Variants in R3HCC1L observed in about 807,000 individuals in gnomAD.
R3HCC1L encodes the protein coiled-coil domain-containing protein R3HCC1L.
A neutral mutation model predicts 59.9 loss-of-function variants in R3HCC1L; 51 were observed. That is an observed-to-expected ratio of 0.85 (90% CI 0.68 to 1.07). The LOEUF (loss-of-function observed/expected upper bound fraction) is 1.07, where lower values mean the gene tolerates loss of function less well. R3HCC1L is among the 50% of genes least tolerant of loss of function. The pLI is 0.00. For missense variants in R3HCC1L, 965 were observed against 933.0 expected, an observed-to-expected ratio of 1.03 and a Z score of -0.45; for synonymous variants, 322 against 315.2, an observed-to-expected ratio of 1.02 and a Z score of -0.23.
intron 5 of R3HCC1L, among the ~76,000 whole-genome samples, chr10:98,222,915 A>G (rs1855207126): frequency 6.6e-6 from 1 of 152,258 alleles, no homozygotes; most frequent in Non-Finnish European, 1.5e-5. Context: ...AAACACCTCT[A>G]CGCAAATAAA....
intron 4 of R3HCC1L, among the ~76,000 whole-genome samples, chr10:98,172,838 G>T (rs1241579943): frequency 6.6e-6 from 1 of 152,094 alleles, no homozygotes; most frequent in Non-Finnish European, 1.5e-5. Flanking sequence ...TACAAAATTT[G>T]ACTAAACTTG....
chr10:98,240,965 A>G (rs1857471093), intron 9 of R3HCC1L, among the ~76,000 whole-genome samples: 1 of 152,228 alleles, frequency 6.6e-6, no homozygotes, highest in South Asian at 2.1e-4. Flanking sequence ...TTGCTAAAAT[A>G]AATAGTACAT....
In R3HCC1L at chr10:98,235,841, C is replaced by T. The variant is rs1856878748; in HGVS notation, c.2129-183C>T. On this transcript the variant is annotated intron_variant, in intron 8 of 9. Transcript: ENST00000298999. The stretch of plus-strand genomic sequence containing the variant: ...ACTTTGTTAATGCAGATAATGAAGC[C>T]AGGGTTGTTTGTGCTTTGCCATGTT... Among the ~76,000 whole-genome samples, 3 of 152,126 alleles carry T rather than the reference C, an allele frequency of 2.0e-5. No individual in the cohort carries two copies. The South Asian group carries it at 6.2e-4, about 31-fold the overall frequency.
chr10:98,160,008 G>A (rs575349414), intron 2 of R3HCC1L, among the ~76,000 whole-genome samples: 1 of 152,298 alleles, frequency 6.6e-6, no homozygotes, highest in East Asian at 1.9e-4. Flanking sequence ...AGTTTATACA[G>A]ATACCTCAGA....
At chr10:98,220,127 T>G (rs1434924810) in intron 5 of R3HCC1L, among the ~76,000 whole-genome samples, 1 of 152,138 alleles carries the variant, frequency 6.6e-6, no homozygotes, top group Non-Finnish European at 1.5e-5. Context: ...CAGAAATTCT[T>G]TCTTCTGCTT....
chr10:98,235,996 TC>T, intron 8 of R3HCC1L, 27 bp from the exon 9 acceptor site: 1 of 1,605,634 alleles, frequency 6.2e-7, no homozygotes, highest in South Asian at 1.1e-5. Context: ...CTTGACTCCT[TC>T]CTACTCCCTT....
intron 4 of R3HCC1L, among the ~76,000 whole-genome samples, chr10:98,181,245 G>A (rs1849593682): frequency 6.6e-6 from 1 of 152,104 alleles, no homozygotes; most frequent in Admixed American, 6.5e-5. Flanking sequence ...AAATCTCTCA[G>A]CATTTGCTTG....
Position 98,218,907 on chromosome 10 carries a change from C to A in R3HCC1L, c.1785+9008C>A, listed in dbSNP as rs546356261. 3.1e-4 allele frequency among the ~76,000 whole-genome samples: 47 copies of A among 152,048 alleles called. 1 individual carries two copies. Among genetic ancestry groups the A allele is most frequent in the Admixed American group, 3.1e-3 (47 of 15,254 alleles). ...TGTTTTATCATCTTACTGAGTTGAT[C>A]GCTTTATCATAGACTTTGTTTCTTT... On this transcript the variant is annotated intron_variant, in intron 5 of 9. Coordinates refer to ENST00000298999, the MANE Select transcript of R3HCC1L (RefSeq NM_001351015.2).
At chr10:98,195,373 C>T (rs1851311302) in intron 4 of R3HCC1L, among the ~76,000 whole-genome samples, 1 of 151,566 alleles carries the variant, frequency 6.6e-6, no homozygotes, top group Admixed American at 6.6e-5. Context: ...AGTGATCTGT[C>T]ATACAACAAT....
intron 1 of R3HCC1L, among the ~76,000 whole-genome samples, chr10:98,141,027 T>TC (rs113693071): frequency 1.3e-5 from 2 of 152,078 alleles, no homozygotes; most frequent in African/African-American, 2.4e-5. Flanking sequence ...GTTTTTTTTT[T>TC]CCCAGTCTTC....
intron 2 of R3HCC1L, among the ~76,000 whole-genome samples, chr10:98,160,752 C>T (rs1221272203): frequency 6.6e-6 from 1 of 152,152 alleles, no homozygotes; most frequent in African/African-American, 2.4e-5. Flanking sequence ...AATGTTTATA[C>T]TCAGGGCACT....
At chr10:98,155,316 A>G (rs776556152) in intron 1 of R3HCC1L, among the ~76,000 whole-genome samples, 4 of 152,304 alleles carry the variant, frequency 2.6e-5, no homozygotes, top group Admixed American at 6.5e-5. Context: ...TAGTATTACA[A>G]TTCCTGAATC....
At chr10:98,211,291 T>C in intron 5 of R3HCC1L, 1 of 1,462,200 alleles carries the variant, frequency 6.8e-7, no homozygotes, top group South Asian at 1.2e-5. Context: ...AAACTGTCTA[T>C]TTACAACTTT....
intron 1 of R3HCC1L, among the ~76,000 whole-genome samples, chr10:98,149,542 G>A (rs2133978830): frequency 6.6e-6 from 1 of 152,238 alleles, no homozygotes; most frequent in Middle Eastern, 3.4e-3. Context: ...GTGTGTTACA[G>A]TTCCATTTTT....
Position 98,237,438 on chromosome 10 carries a change from T to G in R3HCC1L, c.2269+1274T>G, listed in dbSNP as rs1008065374. Reference sequence around the variant, plus strand: ...TGCTTCTCTGTGGGTGTATATCACCTGTATCTCTACAGATCCTGCAGCAGT... The same window carrying G: ...TGCTTCTCTGTGGGTGTATATCACCGGTATCTCTACAGATCCTGCAGCAGT... On this transcript the variant is annotated intron_variant, in intron 9 of 9. Transcript: ENST00000298999. Among the ~76,000 whole-genome samples the G allele has an allele frequency of 3.9e-5, 6 of 152,348 alleles. No individual in the cohort carries two copies. In the East Asian group the frequency reaches 7.7e-4, roughly 20 times the overall value.
At chr10:98,148,342 T>C (rs1845852210) in intron 1 of R3HCC1L, among the ~76,000 whole-genome samples, 1 of 152,152 alleles carries the variant, frequency 6.6e-6, no homozygotes, top group African/African-American at 2.4e-5. Flanking sequence ...AGAGGGACAA[T>C]TGGACTTCCT....
intron 4 of R3HCC1L, among the ~76,000 whole-genome samples, chr10:98,175,908 A>C (rs1026024033): frequency 6.6e-6 from 1 of 152,146 alleles, no homozygotes; most frequent in Non-Finnish European, 1.5e-5. Context: ...GAAGTGTTAA[A>C]ATTGTAGGTT....
chr10:98,173,884 A>T (rs1284813911), intron 4 of R3HCC1L, among the ~76,000 whole-genome samples: 2 of 152,190 alleles, frequency 1.3e-5, no homozygotes, highest in East Asian at 3.9e-4. Flanking sequence ...TCTTCCCAAT[A>T]GGAAGAGTAT....
At chr10:98,199,749 G>A (rs1362953585) in intron 4 of R3HCC1L, among the ~76,000 whole-genome samples, 1 of 151,944 alleles carries the variant, frequency 6.6e-6, no homozygotes, top group Non-Finnish European at 1.5e-5. Flanking sequence ...CGACTTGTTA[G>A]GGACAGTATT....
Sources: gnomAD v4.1 joint callset for allele counts (sites outside exome capture counted in the v4.1 genomes callset) on GRCh38, gnomAD v4.1.1 for gene constraint, MANE v1.5 for transcripts, NCBI Gene and HGNC (gene_info 2026-07-23, HGNC 2026-07-21) for gene names.